The following TSPAN10 variants were observed in gnomAD, a reference collection of about 807,000 sequenced individuals.
The protein encoded by TSPAN10 is tetraspanin 10, also known as tetraspanin-10.
Under a neutral mutation model 15.0 loss-of-function variants are expected in TSPAN10, and 11 were observed. The ratio of observed to expected loss-of-function variants is 0.73; its 90% CI spans 0.46 to 1.21. The LOEUF is 1.21. TSPAN10 is among the 50% of genes most tolerant of loss of function. The probability of loss-of-function intolerance (pLI) is 0.00; values close to 1 mark genes in which losing one functional copy is unlikely to be tolerated. For synonymous variants in TSPAN10, 241 were observed against 226.2 expected (o/e 1.07, Z -0.59); for missense variants, 486 against 470.6 (o/e 1.03, Z -0.30).
downstream of TSPAN10, chr17:81,648,531 A>C (rs1251644640): frequency 9.0e-6 from 3 of 332,828 alleles, no homozygotes; most frequent in African/African-American, 6.5e-5. Flanking sequence ...GCGGGGCCGG[A>C]GGAAATCCTG....
chr17:81,645,763 A>G (rs1429300557), intron 2 of TSPAN10, 134 bp downstream of exon 3: 1 of 1,159,260 alleles, frequency 8.6e-7, no homozygotes, highest in African/African-American at 1.5e-5. Flanking sequence ...ACGTATACCC[A>G]CATGTACACG....
chr17:81,641,596 C>T (rs975179736), upstream of TSPAN10, among the ~76,000 whole-genome samples: 11 of 140,658 alleles, frequency 7.8e-5, no homozygotes, highest in Admixed American at 3.0e-4. Flanking sequence ...CTGCACCACC[C>T]AGACCACCTC....
At chr17:81,648,489 C>G (rs1306661305), downstream of TSPAN10, 3 of 481,460 alleles carry the variant, frequency 6.2e-6, no homozygotes, top group East Asian at 9.1e-5. Flanking sequence ...GCAGGGCGCC[C>G]GGCGAAGCCA....
upstream of TSPAN10, among the ~76,000 whole-genome samples, chr17:81,640,594 A>T (rs539821092): frequency 4.5e-4 from 68 of 152,140 alleles, no homozygotes; most frequent in African/African-American, 1.6e-3. Context: ...GATTACAGGC[A>T]TGCGCCACGA....
chr17:81,641,513 G>A (rs1331556257), upstream of TSPAN10, among the ~76,000 whole-genome samples: 1 of 151,958 alleles, frequency 6.6e-6, no homozygotes, highest in African/African-American at 2.4e-5. Flanking sequence ...AACTTGCCCG[G>A]TGTGCTCCCA....
chr17:81,645,422 G>T, exon 2 of TSPAN10: 1 of 1,602,598 alleles, frequency 6.2e-7, no homozygotes. Flanking sequence ...TTCTCTGGGG[G>T]CATCCTTGCC....
chr17:81,644,055 C>G (rs36003490), intron 1 of TSPAN10, among the ~76,000 whole-genome samples: 72,625 of 145,126 alleles, frequency 0.5, 20,036 homozygotes, highest in East Asian at 0.99. Flanking sequence ...CTCCACGTTG[C>G]TCAGGCTGGT....
chr17:81,645,976 T>G (rs891992350), intron 2 of TSPAN10: 1 of 402,570 alleles, frequency 2.5e-6, no homozygotes, highest in South Asian at 2.6e-5. Context: ...CCTTGTTCTA[T>G]GGGCTCAGGG....
chr17:81,642,071 C>T (rs533707870), upstream of TSPAN10, among the ~76,000 whole-genome samples: 2 of 110,142 alleles, frequency 1.8e-5, no homozygotes, highest in South Asian at 7.6e-4. Context: ...CTGAAGTCCG[C>T]ATGGGGGGCT....
exon 3 of TSPAN10, chr17:81,647,944 C>T: frequency 1.2e-6 from 2 of 1,609,380 alleles, no homozygotes; most frequent in Admixed American, 3.3e-5. Context: ...CTGCAGCCTT[C>T]CCGCCTCCTG....
At chr17:81,645,491 A>G in exon 2 of TSPAN10, 1 of 1,583,526 alleles carries the variant, frequency 6.3e-7, no homozygotes, top group East Asian at 2.3e-5. Context: ...GGCCCGCTGC[A>G]AGACAGCCTG....
upstream of TSPAN10, chr17:81,639,177 G>C (rs954270693): frequency 7.4e-5 from 11 of 148,894 alleles, no homozygotes; most frequent in Non-Finnish European, 1.6e-4. Context: ...ATCTCTCACA[G>C]ACTGGGTGGT....
chr17:81,648,111 C>A, exon 3 of TSPAN10: 1 of 1,566,746 alleles, frequency 6.4e-7, no homozygotes, highest in East Asian at 2.3e-5. Context: ...CTGCCTCGGG[C>A]GGCTACGCAA....
chr17:81,648,676 C>G (rs532948591), downstream of TSPAN10: 1 of 188,470 alleles, frequency 5.3e-6, no homozygotes, highest in African/African-American at 2.3e-5. Context: ...CTCTCCCTCC[C>G]GAGTGCATTT....
chr17:81,647,326 G>A (rs1395560233), intron 2 of TSPAN10: 12 of 433,730 alleles, frequency 2.8e-5, no homozygotes, highest in Admixed American at 4.9e-5. Flanking sequence ...TGCTGGGCCC[G>A]TGTGCAGAGC....
intron 2 of TSPAN10, chr17:81,645,960 G>C (rs1054615532): frequency 6.1e-5 from 27 of 442,674 alleles, no homozygotes; most frequent in Non-Finnish European, 1.0e-4. Context: ...AGGGGTGCTT[G>C]CCTCTCCTTG....
chr17:81,647,913 C>A lies in TSPAN10; in HGVS notation c.687C>A (p.Cys229Ter). ...ATGCGCCTTGCAGGTACTTTAACTG[C>A]AGCTCCCCCGGGGTGCAGGCCTGCA... is the stretch of plus-strand genomic sequence containing the variant. The change falls in exon 3 of 3, where the codon TGC becomes TGA. Residue 229 changes from cysteine (C) to a stop codon, truncating the protein, a stop_gained. Transcript: ENST00000611590. LOFTEE classifies it low-confidence loss of function (END_TRUNC). 4 of 1,568,024 alleles carry A rather than the reference C, an allele frequency of 2.6e-6. No homozygotes were observed. In the South Asian group the frequency reaches 4.5e-5, roughly 18 times the overall value.
chr17:81,638,044 T>TTTTTTTTAAA (rs2036130454), upstream of TSPAN10: 1 of 116,390 alleles, frequency 8.6e-6, no homozygotes, highest in Admixed American at 9.8e-5. Flanking sequence ...ACAATTACTG[T>TTTTTTTTAAA]GACAGTTTTT....
chr17:81,645,399 C>T, exon 2 of TSPAN10: 1 of 1,602,888 alleles, frequency 6.2e-7, no homozygotes, highest in Non-Finnish European at 8.5e-7. Context: ...AGAACACCTG[C>T]CTGTTACGTG....
Sources: allele counts gnomAD v4.1 joint callset (sites outside exome capture counted in the v4.1 genomes callset), GRCh38; gene constraint gnomAD v4.1.1; transcripts MANE v1.5; gene names NCBI Gene and HGNC (gene_info 2026-07-23, HGNC 2026-07-21).